The following MAML3 variants were observed in gnomAD, a reference collection of about 807,000 sequenced individuals.
MAML3 encodes mastermind like transcriptional coactivator 3.
A neutral mutation model predicts 101.9 loss-of-function variants in MAML3; 27 were observed. The ratio of observed to expected loss-of-function variants is 0.27; its 90% CI spans 0.20 to 0.37. The LOEUF is 0.37. Ranked by LOEUF, MAML3 falls within the 10% of genes least tolerant of loss-of-function variation. The pLI is 1.00. For missense variants in MAML3, 1,316 were observed against 1,444.9 expected, an observed-to-expected ratio of 0.91 and a Z score of 1.45; for synonymous variants, 501 against 555.9, an observed-to-expected ratio of 0.90 and a Z score of 1.39.
At chr4:140,086,830 C>T (rs1408784180) in intron 1 of MAML3, among the ~76,000 whole-genome samples, 2 of 152,162 alleles carry the variant, frequency 1.3e-5, no homozygotes, top group African/African-American at 4.8e-5. Context: ...AATTTTCTTT[C>T]TTTTAAGCTA....
intron 2 of MAML3, among the ~76,000 whole-genome samples, chr4:139,879,536 A>AAAAG (rs1553961888): frequency 6.7e-6 from 1 of 148,542 alleles, no homozygotes; most frequent in Non-Finnish European, 1.5e-5. Context: ...AAAAAAAAAA[A>AAAAG]AAAAGAAAAG....
At chr4:139,894,353 A>G (rs911143735) in intron 1 of MAML3, among the ~76,000 whole-genome samples, 7 of 152,152 alleles carry the variant, frequency 4.6e-5, no homozygotes, top group Non-Finnish European at 1.0e-4. Flanking sequence ...TACTAAAAAT[A>G]CAAAATTTTG....
At chr4:140,091,191 CA>C (rs1293627141) in intron 1 of MAML3, among the ~76,000 whole-genome samples, 1 of 152,146 alleles carries the variant, frequency 6.6e-6, no homozygotes, top group Non-Finnish European at 1.5e-5. Flanking sequence ...AAAAGCCCTA[CA>C]TACACTATTT....
intron 2 of MAML3, among the ~76,000 whole-genome samples, chr4:139,799,548 A>C (rs1289317952): frequency 6.6e-6 from 1 of 152,220 alleles, no homozygotes. Flanking sequence ...GAAGGCAGTT[A>C]ACTAAATTCT....
intron 1 of MAML3, among the ~76,000 whole-genome samples, chr4:139,947,208 C>A (rs892769096): frequency 1.3e-5 from 2 of 152,070 alleles, no homozygotes; most frequent in African/African-American, 4.8e-5. Context: ...TTAAAATCTT[C>A]GGTAGATTTT....
chr4:140,139,754 T>G (rs1443341259), intron 1 of MAML3, among the ~76,000 whole-genome samples: 1 of 152,196 alleles, frequency 6.6e-6, no homozygotes. Flanking sequence ...TTCAAAACAT[T>G]TAGATAACCA....
intron 2 of MAML3, among the ~76,000 whole-genome samples, chr4:139,792,908 C>A (rs1578603763): frequency 6.6e-6 from 1 of 152,022 alleles, no homozygotes; most frequent in Non-Finnish European, 1.5e-5. Flanking sequence ...CCAGGCCAGG[C>A]TAATTTTTTT....
chr4:139,890,889 C>G lies in MAML3; in HGVS notation c.547G>C (p.Gly183Arg). 1.9e-6 allele frequency: 3 copies of G among 1,613,654 alleles called. No homozygotes were observed. Among genetic ancestry groups the G allele is most frequent in the Non-Finnish European group, 2.5e-6 (3 of 1,179,710 alleles). Residue 183 changes from glycine to arginine, a missense_variant, in exon 2 of 5, where the codon GGG becomes CGG. Transcript: ENST00000509479. The surrounding 1 kb of genome is among the most constrained non-coding windows in gnomAD (Gnocchi z 4.1). ...CGTTTGCTAGTCGGAGAAAAATTCC[C>G]ATCACAAGCACCATTCTGCTGGTCT... ...NGDQQNGACD[G>R]NFSPTSKRIR...
intron 2 of MAML3, among the ~76,000 whole-genome samples, chr4:139,803,162 G>A (rs921811755): frequency 5.3e-5 from 8 of 152,174 alleles, no homozygotes; most frequent in East Asian, 3.9e-4. Context: ...CCTATGAGGC[G>A]GGAGAATTGC....
intron 1 of MAML3, among the ~76,000 whole-genome samples, chr4:140,114,216 T>G (rs1012215384): frequency 5.3e-5 from 8 of 152,174 alleles, no homozygotes; most frequent in Non-Finnish European, 8.8e-5. Flanking sequence ...TGTGTGCCAA[T>G]CATACTTTTG....
At chr4:139,935,996 A>T (rs1269005725) in intron 1 of MAML3, among the ~76,000 whole-genome samples, 1 of 152,184 alleles carries the variant, frequency 6.6e-6, no homozygotes, top group Non-Finnish European at 1.5e-5. Flanking sequence ...TCTATCCAGC[A>T]TAACTGAAAC....
At chr4:139,799,724 A>G (rs1730571709) in intron 2 of MAML3, among the ~76,000 whole-genome samples, 1 of 152,204 alleles carries the variant, frequency 6.6e-6, no homozygotes, top group African/African-American at 2.4e-5. Flanking sequence ...CACATTTTCT[A>G]TTCTGTGGAA....
chr4:139,773,529 T>C (rs116612170), intron 2 of MAML3, among the ~76,000 whole-genome samples: 483 of 152,312 alleles, frequency 3.2e-3, no homozygotes, highest in Middle Eastern at 0.014. Flanking sequence ...TCCATGGATC[T>C]TTGCTACTAC....
At chr4:139,965,263 C>A (rs376738298) in intron 1 of MAML3, among the ~76,000 whole-genome samples, 1 of 150,522 alleles carries the variant, frequency 6.6e-6, no homozygotes, top group South Asian at 2.1e-4. Context: ...ATCTTATAAG[C>A]CATTTGGATT....
In MAML3 at chr4:139,889,587, T is replaced by A; in HGVS notation, c.1849A>T (p.Thr617Ser). ...HFNADLSQRM[T>S]PPVANPNKNP... The stretch of plus-strand genomic sequence containing the variant: ...TTGTTGGGGTTGGCCACTGGTGGTG[T>A]CATCCTCTGACTCAGGTCTGCATTG... The change falls in exon 2 of 5, where the codon ACA (threonine) becomes TCA (serine). Residue 617 changes from threonine to serine, a missense_variant. Transcript: ENST00000509479. The A allele has an allele frequency of 1.2e-6, 2 of 1,613,850 alleles. No individual in the cohort carries two copies. Among genetic ancestry groups the A allele is most frequent in the Non-Finnish European group, 1.7e-6 (2 of 1,179,856 alleles).
In MAML3 at chr4:139,830,957, CA is replaced by C. The variant is rs1378772396; in HGVS notation, c.2079+58399del. On this transcript the variant is annotated intron_variant, in intron 2 of 4. Coordinates refer to ENST00000509479, the MANE Select transcript of MAML3 (RefSeq NM_018717.5). ...ATTCCTTTGAGTTATGAAACCCAAA[CA>C]AAAAAAGCAATATTGATAGAGTGCT... Among the ~76,000 whole-genome samples the C allele has an allele frequency of 2.0e-5, 3 of 151,902 alleles. No individual in the cohort carries two copies. The East Asian group carries it at 5.8e-4, about 29-fold the overall frequency.
At chr4:140,016,694 G>C (rs1361826603) in intron 1 of MAML3, among the ~76,000 whole-genome samples, 1 of 152,152 alleles carries the variant, frequency 6.6e-6, no homozygotes, top group East Asian at 1.9e-4. Context: ...AGGAAGGACA[G>C]ACTTTTCAAC....
At chr4:139,990,931 G>T (rs1454585444) in intron 1 of MAML3, among the ~76,000 whole-genome samples, 2 of 152,180 alleles carry the variant, frequency 1.3e-5, no homozygotes, top group Middle Eastern at 3.2e-3. Flanking sequence ...AACATTCCAT[G>T]CTCATGGGTA....
At chr4:139,939,700 CCT>C (rs1476687701) in intron 1 of MAML3, among the ~76,000 whole-genome samples, 2 of 152,052 alleles carry the variant, frequency 1.3e-5, no homozygotes, top group Non-Finnish European at 2.9e-5. Context: ...CGGGATACCT[CCT>C]CTGTCTCTGA....
Sources: allele counts gnomAD v4.1 joint callset (sites outside exome capture counted in the v4.1 genomes callset), GRCh38; gene constraint gnomAD v4.1.1; non-coding constraint Gnocchi (gnomAD v3.1); transcripts MANE v1.5; gene names NCBI Gene and HGNC (gene_info 2026-07-23, HGNC 2026-07-21).